Variants in CCDC68 observed in about 807,000 individuals in gnomAD.
The protein encoded by CCDC68 is coiled-coil domain containing 68, also known as coiled-coil domain-containing protein 68.
A neutral mutation model predicts 47.1 loss-of-function variants in CCDC68; 45 were observed. The observed-to-expected ratio is 0.96, with a 90% CI of 0.75 to 1.23. The LOEUF is 1.23. Among genes scored for constraint, CCDC68 ranks in the 50% most tolerant of loss-of-function variants. The pLI is 0.00. For synonymous variants in CCDC68, 131 were observed against 129.5 expected (o/e 1.01, Z -0.08); for missense variants, 353 against 373.6 (o/e 0.94, Z 0.45).
At chr18:54,950,649 G>A (rs567600864) in intron 1 of CCDC68, among the ~76,000 whole-genome samples, 40 of 151,818 alleles carry the variant, frequency 2.6e-4, no homozygotes, top group South Asian at 2.5e-3. Context: ...AAGCTATTTC[G>A]GAGGAAAAAT....
intron 1 of CCDC68, among the ~76,000 whole-genome samples, chr18:54,952,458 C>T (rs2044634991): frequency 6.6e-6 from 1 of 152,096 alleles, no homozygotes; most frequent in African/African-American, 2.4e-5. Flanking sequence ...GAAACCATAC[C>T]AGTTCTGGTG....
chr18:54,909,020 T>C (rs1387659129), intron 10 of CCDC68, among the ~76,000 whole-genome samples: 1 of 152,308 alleles, frequency 6.6e-6, no homozygotes, highest in African/African-American at 2.4e-5. Flanking sequence ...TCAAGTACCA[T>C]TTTTATAACT....
Position 54,952,641 on chromosome 18 carries a change from C to T in CCDC68, c.-103+6695G>A, listed in dbSNP as rs889708116. On this transcript the variant is annotated intron_variant, in intron 1 of 11. Coordinates refer to ENST00000591504, the MANE Select transcript of CCDC68 (RefSeq NM_025214.3). ...AAATGAAAAGTTATATTCCATAAAA[C>T]CTGCACACAAATGTTCATAATTGCC... is the stretch of plus-strand genomic sequence containing the variant. Among the ~76,000 whole-genome samples, 4 of 152,164 alleles carry T rather than the reference C, an allele frequency of 2.6e-5. No individual in the cohort carries two copies. The South Asian group carries it at 6.2e-4, about 24-fold the overall frequency.
intron 1 of CCDC68, among the ~76,000 whole-genome samples, chr18:54,955,329 AAC>A (rs1394333779): frequency 1.3e-5 from 2 of 151,804 alleles, no homozygotes; most frequent in East Asian, 3.9e-4. Context: ...CGTCTTGAAA[AAC>A]ACACACACAC....
rs1356971355 is a variant in CCDC68, at chr18:54,940,992, A to G, written c.204+5T>C. 30 of 1,589,476 alleles carry G rather than the reference A, an allele frequency of 1.9e-5. No homozygotes were observed. The highest frequency in any genetic ancestry group is 2.5e-5 in the Non-Finnish European group (29 of 1,159,510). ...TTATGCTAATCTTCTGCAGGAAATTATTACCTTTGCATCTAGTTTGTGATT... is the reference window on the plus strand; with the variant it reads ...TTATGCTAATCTTCTGCAGGAAATTGTTACCTTTGCATCTAGTTTGTGATT... On this transcript the variant is annotated splice_donor_5th_base_variant and intron_variant, in intron 4 of 11. Coordinates refer to ENST00000591504, the MANE Select transcript of CCDC68 (RefSeq NM_025214.3).
At position 54,911,561 on chromosome 18, in the gene CCDC68, TC is replaced by T. The variant is rs566183115; in HGVS notation, c.874-3700del. On this transcript the variant is annotated intron_variant, in intron 10 of 11. Transcript: ENST00000591504. The stretch of plus-strand genomic sequence containing the variant: ...CCAAGGAAATGTACTTCAGATTTCA[TC>T]AATTGATGGTGAAGATTTCCTCATA... Among the ~76,000 whole-genome samples the T allele has an allele frequency of 1.6e-4, 25 of 152,304 alleles. No homozygotes were observed. In the South Asian group the frequency reaches 4.8e-3, roughly 29 times the overall value.
chr18:54,952,833 C>T (rs544676591), intron 1 of CCDC68, among the ~76,000 whole-genome samples: 4 of 152,116 alleles, frequency 2.6e-5, no homozygotes, highest in Non-Finnish European at 4.4e-5. Flanking sequence ...GCCAACATGG[C>T]GAAACCCCAT....
At position 54,938,090 on chromosome 18, in the gene CCDC68, C is replaced by T. The variant is rs751312351; in HGVS notation, c.212G>A (p.Gly71Glu). ...TNHKLDAKHC[G>E]NLQQGSDSEM... is the part of the protein sequence containing the mutation. Reference sequence around the variant, plus strand: ...AGAATCAGAGCCCTGTTGAAGGTTTCCACAGTGCTGAAACGGACAAATGAA... The same window carrying T: ...AGAATCAGAGCCCTGTTGAAGGTTTTCACAGTGCTGAAACGGACAAATGAA... The change falls in exon 5 of 12, where the codon GGA (glycine) becomes GAA (glutamate). Residue 71 changes from glycine (G) to glutamate (E), a missense_variant. Gly to Glu is a moderately conservative substitution (Grantham distance 98). Transcript: ENST00000591504. 1 of 1,612,630 alleles carries T rather than the reference C, an allele frequency of 6.2e-7. No individual in the cohort carries two copies. The highest frequency in any genetic ancestry group is 8.5e-7 in the Non-Finnish European group (1 of 1,179,448).
chr18:54,932,631 T>G (rs2044282994), intron 7 of CCDC68, among the ~76,000 whole-genome samples: 1 of 152,232 alleles, frequency 6.6e-6, no homozygotes. Flanking sequence ...ATGGCCTTAC[T>G]AAGCCATGTG....
intron 1 of CCDC68, among the ~76,000 whole-genome samples, chr18:54,946,274 G>A (rs962092904): frequency 2.6e-5 from 4 of 152,190 alleles, no homozygotes; most frequent in African/African-American, 9.7e-5. Context: ...AGTTGTGACA[G>A]AGAAAGTACG....
At chr18:54,909,286 T>C (rs932424098) in intron 10 of CCDC68, among the ~76,000 whole-genome samples, 7 of 152,052 alleles carry the variant, frequency 4.6e-5, no homozygotes, top group Admixed American at 1.3e-4. Context: ...GGGGGAACGA[T>C]GACAAGTGAT....
rs111237621 is a variant in CCDC68 at position 54,929,893 on chromosome 18, A to G, written c.601-1011T>C. ...AATTAACCCAAACTTGGAAATAAAAACAATATACAGCATGCAGTTTTAATA... is the reference window on the plus strand; with the variant it reads ...AATTAACCCAAACTTGGAAATAAAAGCAATATACAGCATGCAGTTTTAATA... On this transcript the variant is annotated intron_variant, in intron 7 of 11. Transcript: ENST00000591504. Among the ~76,000 whole-genome samples, 647 of 152,306 alleles carry G rather than the reference A, an allele frequency of 4.2e-3. 7 individuals are homozygous for G. Among genetic ancestry groups the G allele is most frequent in the African/African-American group, 0.014 (595 of 41,552 alleles).
chr18:54,913,611 T>C (rs1157145818), intron 10 of CCDC68, among the ~76,000 whole-genome samples: 1 of 151,636 alleles, frequency 6.6e-6, no homozygotes, highest in African/African-American at 2.4e-5. Flanking sequence ...AAACCAGGCC[T>C]GGCAACACAG....
intron 8 of CCDC68, among the ~76,000 whole-genome samples, chr18:54,922,780 G>A (rs2044082059): frequency 6.6e-6 from 1 of 152,008 alleles, no homozygotes; most frequent in African/African-American, 2.4e-5. Flanking sequence ...TTGAGGTCAG[G>A]AGTTCGAGAT....
intron 2 of CCDC68, among the ~76,000 whole-genome samples, chr18:54,944,326 A>G (rs757472669): frequency 9.9e-5 from 15 of 152,084 alleles, no homozygotes; most frequent in Admixed American, 1.3e-4. Context: ...GTAAACTATA[A>G]TAAAAAGCCC....
chr18:54,930,416 C>T (rs901783843), intron 7 of CCDC68, among the ~76,000 whole-genome samples: 1 of 152,094 alleles, frequency 6.6e-6, no homozygotes, highest in Non-Finnish European at 1.5e-5. Context: ...CATATTTGGA[C>T]CTCAATATAT....
chr18:54,940,513 A>T (rs2044417928), intron 4 of CCDC68, among the ~76,000 whole-genome samples: 1 of 152,186 alleles, frequency 6.6e-6, no homozygotes, highest in African/African-American at 2.4e-5. Context: ...CTTGGCTCAG[A>T]TGTGGTTTAG....
intron 3 of CCDC68, 50 bp downstream of exon 3, chr18:54,942,625 T>A (rs749034763): frequency 8.8e-7 from 1 of 1,137,196 alleles, no homozygotes. Flanking sequence ...CATATTGGAA[T>A]TTCTCTTTAA....
At chr18:54,917,768 G>A (rs559977161) in intron 10 of CCDC68, 145 bp downstream of exon 10, 34 of 633,310 alleles carry the variant, frequency 5.4e-5, no homozygotes, top group East Asian at 8.8e-5. Flanking sequence ...AGACATACTC[G>A]TAGTGTTATA....
Sources: allele counts gnomAD v4.1 joint callset (sites outside exome capture counted in the v4.1 genomes callset), GRCh38; gene constraint gnomAD v4.1.1; transcripts MANE v1.5; gene names NCBI Gene and HGNC (gene_info 2026-07-23, HGNC 2026-07-21).